GABBR1: variants seen among roughly 807,000 people sequenced by gnomAD.
The protein encoded by GABBR1 is gamma-aminobutyric acid type B receptor subunit 1, also known as GABA-B receptor, R1 subunit.
In GABBR1, 35 loss-of-function variants were observed where a neutral mutation model predicts 117.7. The ratio of observed to expected loss-of-function variants is 0.30; its 90% CI spans 0.23 to 0.39. The LOEUF (loss-of-function observed/expected upper bound fraction) is 0.39. GABBR1 is among the 10% of genes least tolerant of loss of function. GABBR1 has a pLI of 1.00. For synonymous variants in GABBR1, 442 were observed against 486.6 expected (o/e 0.91, Z 1.21); for missense variants, 709 against 1,241.8 (o/e 0.57, Z 6.45).
chr6:29,612,621 G>A lies in GABBR1; in HGVS notation c.1567-7C>T. On this transcript the variant is annotated splice_polypyrimidine_tract_variant and splice_region_variant and intron_variant, in intron 12 of 22. Coordinates refer to ENST00000377034, the MANE Select transcript of GABBR1 (RefSeq NM_001470.4). ...CATCAAACACCACATGGCCCTGAGGGAAGGAACATGTGGAGCAAGGCAAAG... is the reference window on the plus strand; with the variant it reads ...CATCAAACACCACATGGCCCTGAGGAAAGGAACATGTGGAGCAAGGCAAAG... The A allele has an allele frequency of 6.2e-7, 1 of 1,613,262 alleles. No homozygotes were observed. The highest frequency in any genetic ancestry group is 8.5e-7 in the Non-Finnish European group (1 of 1,179,240).
chr6:29,604,694 C>A lies in GABBR1; in HGVS notation c.2569-57G>T. The A allele has an allele frequency of 1.2e-6, 2 of 1,608,568 alleles. No individual in the cohort carries two copies. The highest frequency in any genetic ancestry group is 4.5e-5 in the East Asian group (2 of 44,768). On this transcript the variant is annotated intron_variant, in intron 21 of 22. Transcript: ENST00000377034. The surrounding 1 kb of genome is among the most constrained non-coding windows in gnomAD (Gnocchi z 5.3). ...CAGCAAGGACTGTACTAGTGACTGG[C>A]TGATGGAAGGTTGGAGGTGGAAGGA...
Position 29,621,989 on chromosome 6 carries a change from T to C in GABBR1, c.1065+115A>G. The C allele has an allele frequency of 9.5e-7, 1 of 1,053,234 alleles. No individual in the cohort carries two copies. The highest frequency in any genetic ancestry group is 1.4e-5 in the South Asian group (1 of 73,774). The allele number at this position is 1,053,234 out of a possible 1,614,324, so 65.2% of individuals were successfully genotyped here. ...GATGGAGCTAAACTTCCCCAGGAGATGCTATTGCCTCAGAGAATCAAAACC... is the reference window on the plus strand; with the variant it reads ...GATGGAGCTAAACTTCCCCAGGAGACGCTATTGCCTCAGAGAATCAAAACC... On this transcript the variant is annotated intron_variant, in intron 9 of 22. Coordinates refer to ENST00000377034, the MANE Select transcript of GABBR1 (RefSeq NM_001470.4). This position sits in a 1 kb window ranked among gnomAD's most constrained non-coding sequence, Gnocchi z 5.0.
Position 29,604,738 on chromosome 6 carries a change from C to A in GABBR1, c.2569-101G>T. On this transcript the variant is annotated intron_variant, in intron 21 of 22. Coordinates refer to ENST00000377034, the MANE Select transcript of GABBR1 (RefSeq NM_001470.4). The surrounding 1 kb of genome is among the most constrained non-coding windows in gnomAD (Gnocchi z 5.3). ...GGAAGGAATGCTGATAAGAGTTGGGCCCAAAACAAGGGGAGGAGTGAGAGG... is the reference window on the plus strand; with the variant it reads ...GGAAGGAATGCTGATAAGAGTTGGGACCAAAACAAGGGGAGGAGTGAGAGG... The A allele has an allele frequency of 1.3e-6, 2 of 1,594,232 alleles. No individual in the cohort carries two copies. The highest frequency in any genetic ancestry group is 1.1e-5 in the South Asian group (1 of 89,074).
chr6:29,612,024 CAG>C (rs900721997), intron 13 of GABBR1, among the ~76,000 whole-genome samples: 5 of 152,102 alleles, frequency 3.3e-5, no homozygotes, highest in Non-Finnish European at 7.3e-5. Flanking sequence ...TTCTTTGAGA[CAG>C]AGTCTTACTC....
At position 29,613,313 on chromosome 6, in the gene GABBR1, T is replaced by G; in HGVS notation, c.1496A>C (p.Asn499Thr). The G allele has an allele frequency of 1.2e-6, 2 of 1,613,094 alleles. No individual in the cohort carries two copies. The highest frequency in any genetic ancestry group is 1.7e-6 in the Non-Finnish European group (2 of 1,180,016). ...GRSGVRLEDF[N>T]YNNQTITDQI... ...GTCGGTAATGGTCTGGTTGTTGTAG[T>G]TGAAGTCCTCCAGGCGCACACCAGA... The change falls in exon 12 of 23, where the codon AAC (asparagine) becomes ACC (threonine). Residue 499 changes from asparagine to threonine, a missense_variant. Transcript: ENST00000377034. This position sits in a 1 kb window ranked among gnomAD's most constrained non-coding sequence, Gnocchi z 4.1.
chr6:29,629,351 C>CT (rs1395727705), intron 4 of GABBR1: 1 of 664,026 alleles, frequency 1.5e-6, no homozygotes, highest in Non-Finnish European at 2.8e-6. Context: ...ATGCCAATAG[C>CT]TAAGTTTGGG....
intron 11 of GABBR1, among the ~76,000 whole-genome samples, chr6:29,615,438 G>A (rs1192364203): frequency 1.3e-5 from 2 of 151,094 alleles, no homozygotes; most frequent in African/African-American, 4.9e-5. Flanking sequence ...GGTGAAACCC[G>A]TCTCTACTAA....
In GABBR1 at chr6:29,609,160, C is replaced by T; in HGVS notation, c.1859+69G>A. 2 of 1,468,350 alleles carry T rather than the reference C, an allele frequency of 1.4e-6. No individual in the cohort carries two copies. Among genetic ancestry groups the T allele is most frequent in the African/African-American group, 1.4e-5 (1 of 71,858 alleles). The allele number at this position is 1,468,350 out of a possible 1,614,324, so 91.0% of individuals were successfully genotyped here. A position where few individuals can be genotyped will look rare whatever the true frequency, so the allele number is the denominator to read the frequency against. Reference sequence around the variant, plus strand: ...ATGGGAGTTACACAGGTTTTATTCTCATCCTGTCCAGGAACATGATCAGTA... The same window carrying T: ...ATGGGAGTTACACAGGTTTTATTCTTATCCTGTCCAGGAACATGATCAGTA... On this transcript the variant is annotated intron_variant, in intron 15 of 22. Transcript: ENST00000377034. This position sits in a 1 kb window ranked among gnomAD's most constrained non-coding sequence, Gnocchi z 4.3.
At chr6:29,608,913 G>A (rs1399875820) in intron 15 of GABBR1, among the ~76,000 whole-genome samples, 180 bp from the exon 16 acceptor site, 1 of 152,222 alleles carries the variant, frequency 6.6e-6, no homozygotes, top group Non-Finnish European at 1.5e-5. Context: ...TCATGGGGCT[G>A]AAGATGGAGT....
Position 29,632,629 on chromosome 6 carries a change from C to G in GABBR1, c.-1+221G>C. On this transcript the variant is annotated intron_variant, in intron 1 of 22. Transcript: ENST00000377034. This position sits in a 1 kb window ranked among gnomAD's most constrained non-coding sequence, Gnocchi z 5.8. ...GCCCCCAACCCTCCCGGGACTCCACCTCTCACCACCTCCTCTCCCCCGGCC... is the reference window on the plus strand; with the variant it reads ...GCCCCCAACCCTCCCGGGACTCCACGTCTCACCACCTCCTCTCCCCCGGCC... 6 of 1,413,556 alleles carry G rather than the reference C, an allele frequency of 4.2e-6. No individual in the cohort carries two copies. The South Asian group carries it at 5.2e-5, about 12-fold the overall frequency. 87.6% of individuals were successfully genotyped at this position (1,413,556 alleles called of 1,614,324 possible).
In GABBR1 at chr6:29,621,383, C is replaced by T; in HGVS notation, c.1132-91G>A. On this transcript the variant is annotated intron_variant, in intron 10 of 22. Coordinates refer to ENST00000377034, the MANE Select transcript of GABBR1 (RefSeq NM_001470.4). The surrounding 1 kb of genome is among the most constrained non-coding windows in gnomAD (Gnocchi z 5.0). ...TGATACTATTTAGCCTCTTGGGAATCAGGGAAGAGCAGTAGAACTAAAAAG... is the reference window on the plus strand; with the variant it reads ...TGATACTATTTAGCCTCTTGGGAATTAGGGAAGAGCAGTAGAACTAAAAAG... The T allele has an allele frequency of 1.0e-6, 1 of 965,974 alleles. No homozygotes were observed. Among genetic ancestry groups the T allele is most frequent in the Admixed American group, 2.5e-5 (1 of 40,056 alleles). The allele number at this position is 965,974 out of a possible 1,614,324, so 59.8% of individuals were successfully genotyped here. A position where few individuals can be genotyped will look rare whatever the true frequency, so the allele number is the denominator to read the frequency against.
At position 29,621,405 on chromosome 6, in the gene GABBR1, A is replaced by C; in HGVS notation, c.1132-113T>G. On this transcript the variant is annotated intron_variant, in intron 10 of 22. Transcript: ENST00000377034. The surrounding 1 kb of genome is among the most constrained non-coding windows in gnomAD (Gnocchi z 5.0). ...AATCAGGGAAGAGCAGTAGAACTAAAAAGAGAAATCTACAAGTCTTGGGGA... is the reference window on the plus strand; with the variant it reads ...AATCAGGGAAGAGCAGTAGAACTAACAAGAGAAATCTACAAGTCTTGGGGA... The C allele has an allele frequency of 3.6e-6, 3 of 824,132 alleles. No individual in the cohort carries two copies. Among genetic ancestry groups the C allele is most frequent in the Non-Finnish European group, 5.7e-6 (3 of 527,490 alleles). 51.1% of individuals were successfully genotyped at this position (824,132 alleles called of 1,614,324 possible).
Position 29,609,034 on chromosome 6 carries a change from T to C in GABBR1, c.1859+195A>G, listed in dbSNP as rs372823229. Among the ~76,000 whole-genome samples the C allele has an allele frequency of 2.9e-4, 44 of 152,214 alleles. No individual in the cohort carries two copies. Among genetic ancestry groups the C allele is most frequent in the African/African-American group, 9.2e-4 (38 of 41,458 alleles). ...TTGTTTTTTTCTCTTCTTTTCTTTT[T>C]TCCTCCCGTTAGCTACTTTGGAGTA... On this transcript the variant is annotated intron_variant, in intron 15 of 22. Transcript: ENST00000377034. This position sits in a 1 kb window ranked among gnomAD's most constrained non-coding sequence, Gnocchi z 4.3.
chr6:29,628,057 CTGG>C, intron 5 of GABBR1: 1 of 943,976 alleles, frequency 1.1e-6, no homozygotes, highest in Non-Finnish European at 1.2e-6. Context: ...AGATGTGGGG[CTGG>C]GAGGGGGCTC....
Position 29,632,425 on chromosome 6 carries a change from C to T in GABBR1, c.1-40G>A. On this transcript the variant is annotated intron_variant, in intron 1 of 22. Coordinates refer to ENST00000377034, the MANE Select transcript of GABBR1 (RefSeq NM_001470.4). This position sits in a 1 kb window ranked among gnomAD's most constrained non-coding sequence, Gnocchi z 5.8. ...GCCATGAGGACTGGACCGAGCCCCG[C>T]CGGCGCGGCCCGCACCCGGAGACTA... The T allele has an allele frequency of 2.3e-6, 3 of 1,312,792 alleles. No individual in the cohort carries two copies. Among genetic ancestry groups the T allele is most frequent in the Non-Finnish European group, 3.0e-6 (3 of 1,015,182 alleles). 81.3% of individuals were successfully genotyped at this position (1,312,792 alleles called of 1,614,324 possible).
intron 13 of GABBR1, 144 bp downstream of exon 13, chr6:29,612,407 G>T: frequency 1.7e-6 from 1 of 599,594 alleles, no homozygotes; most frequent in Non-Finnish European, 3.0e-6. Flanking sequence ...TTACAAGCTT[G>T]ATGAACAGAG....
chr6:29,628,102 G>T (rs1471281026), intron 5 of GABBR1: 2 of 430,432 alleles, frequency 4.6e-6, no homozygotes, highest in Non-Finnish European at 6.1e-6. Flanking sequence ...GCAGCGGGGG[G>T]TGGGGGGGCG....
In GABBR1 at chr6:29,607,016, T is replaced by C; in HGVS notation, c.2110-12A>G. 1 of 1,613,418 alleles carries C rather than the reference T, an allele frequency of 6.2e-7. No individual in the cohort carries two copies. Among genetic ancestry groups the C allele is most frequent in the Admixed American group, 1.7e-5 (1 of 60,016 alleles). ...CAGGGTTCCAGAGTCTGGATAAATA[T>C]GTGGGGAGAACAGGCACGTCAGGGG... On this transcript the variant is annotated splice_polypyrimidine_tract_variant and intron_variant, in intron 17 of 22. Transcript: ENST00000377034. This position sits in a 1 kb window ranked among gnomAD's most constrained non-coding sequence, Gnocchi z 5.0.
chr6:29,603,613 G>T lies in GABBR1; in HGVS notation c.2816C>A (p.Pro939His). 1 of 1,571,642 alleles carries T rather than the reference G, an allele frequency of 6.4e-7. No homozygotes were observed. Among genetic ancestry groups the T allele is most frequent in the Non-Finnish European group, 8.6e-7 (1 of 1,163,376 alleles). Residue 939 changes from proline (P) to histidine (H), a missense_variant, in exon 23 of 23, where the codon CCC becomes CAC. Around this residue, in one of 9 missense-constraint regions of GABBR1, gnomAD observed 69 missense variants for 64.3 expected, o/e 1.07. Coordinates refer to ENST00000377034, the MANE Select transcript of GABBR1 (RefSeq NM_001470.4). ...PTPPEPSGGL[P>H]RGPPEPPDRL... ...GTCGGGGGGCTCAGGGGGTCCCCTG[G>T]GCAGGCCCCCAGAGGGTTCTGGGGG...
Sources: allele counts gnomAD v4.1 joint callset (sites outside exome capture counted in the v4.1 genomes callset), GRCh38; gene constraint gnomAD v4.1.1; regional missense constraint gnomAD v4.1.1; non-coding constraint Gnocchi (gnomAD v3.1); transcripts MANE v1.5; gene names NCBI Gene and HGNC (gene_info 2026-07-23, HGNC 2026-07-21).